ARPP21: variants seen among roughly 807,000 people sequenced by gnomAD.
ARPP21 encodes cAMP regulated phosphoprotein 21.
ARPP21 carries 69 observed loss-of-function variants against 113.2 expected under a neutral mutation model. The observed-to-expected ratio is 0.61, with a 90% CI of 0.50 to 0.74. The LOEUF is 0.74. Ranked by LOEUF, ARPP21 falls within the 30% of genes least tolerant of loss-of-function variation. ARPP21 has a pLI of 0.00. For synonymous variants in ARPP21, 368 were observed against 375.5 expected (o/e 0.98, Z 0.23); for missense variants, 1,070 against 1,037.4 (o/e 1.03, Z -0.43).
intron 19 of ARPP21, among the ~76,000 whole-genome samples, chr3:35,784,456 T>G (rs968830947): frequency 6.6e-6 from 1 of 152,252 alleles, no homozygotes; most frequent in Non-Finnish European, 1.5e-5. Flanking sequence ...AGCAGACTAC[T>G]GATATTCATG....
At chr3:35,762,124 T>TCACACACACACACA (rs1228601723) in intron 19 of ARPP21, among the ~76,000 whole-genome samples, 14 of 141,152 alleles carry the variant, frequency 9.9e-5, no homozygotes, top group African/African-American at 3.8e-4. Context: ...TCTCTCTCTC[T>TCACACACACACACA]CTCACACACA....
At chr3:35,706,385 A>G (rs529811944) in intron 9 of ARPP21, among the ~76,000 whole-genome samples, 1 of 152,322 alleles carries the variant, frequency 6.6e-6, no homozygotes, top group East Asian at 1.9e-4. Context: ...TAAACTAAAT[A>G]CCTCCATTTT....
At chr3:35,647,715 T>G (rs1203887446) in intron 1 of ARPP21, among the ~76,000 whole-genome samples, 1 of 152,204 alleles carries the variant, frequency 6.6e-6, no homozygotes, top group Non-Finnish European at 1.5e-5. Flanking sequence ...GAGTAAATAG[T>G]GTGACTATGG....
intron 1 of ARPP21, among the ~76,000 whole-genome samples, chr3:35,660,515 C>T (rs753210050): frequency 1.2e-4 from 19 of 152,132 alleles, no homozygotes; most frequent in African/African-American, 4.3e-4. Flanking sequence ...TCTTTGCCCT[C>T]GAAATCTCTT....
intron 1 of ARPP21, among the ~76,000 whole-genome samples, chr3:35,676,532 A>G (rs2149392771): frequency 1.4e-5 from 1 of 72,462 alleles, no homozygotes. Context: ...CAATTTTGGC[A>G]TTTTCATGAT....
At chr3:35,639,403 A>C (rs1400209753), upstream of ARPP21, among the ~76,000 whole-genome samples, 2 of 151,816 alleles carry the variant, frequency 1.3e-5, no homozygotes, top group Non-Finnish European at 2.9e-5. This position sits in a 1 kb window ranked among gnomAD's most constrained non-coding sequence, Gnocchi z 5.0. Context: ...AGCCACGTGC[A>C]ACACGCGCGT....
Position 35,676,750 on chromosome 3 carries a change from G to T in ARPP21, c.-212-3037G>T, listed in dbSNP as rs78951932. ...GTATGTGCATTCTATTCATGGCGTT[G>T]TTGCTCTTATTTTTGAAATGATTAC... On this transcript the variant is annotated intron_variant, in intron 1 of 20. Transcript: ENST00000684406. Among the ~76,000 whole-genome samples, 917 of 151,946 alleles carry T rather than the reference G, an allele frequency of 6.0e-3. 12 individuals carry two copies. Among genetic ancestry groups the T allele is most frequent in the African/African-American group, 0.021 (859 of 41,498 alleles).
chr3:35,685,281 A>T, intron 5 of ARPP21: 1 of 985,260 alleles, frequency 1.0e-6, no homozygotes, highest in Non-Finnish European at 1.2e-6. Context: ...TAAGGTGTAA[A>T]TGGTGCTTTG....
intron 19 of ARPP21, among the ~76,000 whole-genome samples, chr3:35,783,037 A>G (rs1433917311): frequency 6.6e-6 from 1 of 151,716 alleles, no homozygotes; most frequent in Non-Finnish European, 1.5e-5. Context: ...TCATTGTCAC[A>G]TTTTTCTTTC....
Position 35,737,209 on chromosome 3 carries a change from T to C in ARPP21, c.1491T>C (p.Pro497=). 3 of 1,611,650 alleles carry C rather than the reference T, an allele frequency of 1.9e-6. No individual in the cohort carries two copies. The highest frequency in any genetic ancestry group is 2.5e-6 in the Non-Finnish European group (3 of 1,178,450). ...GQPFVNPDGT[P]AIYNPPTSQQ... ...CCTTTGTGAATCCCGATGGAACTCCTGCAATATACAACCCACCCACCAGTC... is the reference window on the plus strand; with the variant it reads ...CCTTTGTGAATCCCGATGGAACTCCCGCAATATACAACCCACCCACCAGTC... The change falls in exon 16 of 21, where the codon CCT becomes CCC. Residue 497 remains proline, a synonymous_variant. Coordinates refer to ENST00000684406, the MANE Select transcript of ARPP21 (RefSeq NM_001385562.1).
intron 19 of ARPP21, among the ~76,000 whole-genome samples, chr3:35,779,300 A>G (rs1272592892): frequency 5.3e-5 from 8 of 152,200 alleles, no homozygotes; most frequent in Non-Finnish European, 1.2e-4. Context: ...TATTACCAAC[A>G]AAACAGAACA....
intron 1 of ARPP21, among the ~76,000 whole-genome samples, 173 bp downstream of exon 1, chr3:35,640,571 G>A (rs184822776): frequency 7.9e-5 from 12 of 152,152 alleles, no homozygotes; most frequent in African/African-American, 2.9e-4. Context: ...TGTTTTTTAT[G>A]TTTCGTCAAG....
chr3:35,779,389 G>A (rs1476120278), intron 19 of ARPP21, among the ~76,000 whole-genome samples: 1 of 152,106 alleles, frequency 6.6e-6, no homozygotes, highest in African/African-American at 2.4e-5. Flanking sequence ...AAGCACCGTG[G>A]CATGTATGTT....
chr3:35,656,409 G>A (rs996901016), intron 1 of ARPP21, among the ~76,000 whole-genome samples: 4 of 152,048 alleles, frequency 2.6e-5, no homozygotes, highest in African/African-American at 9.7e-5. Flanking sequence ...CCCCAAATTA[G>A]GAACAGCTCA....
intron 19 of ARPP21, among the ~76,000 whole-genome samples, chr3:35,765,953 G>A (rs2095957480): frequency 6.6e-6 from 1 of 152,056 alleles, no homozygotes; most frequent in African/African-American, 2.4e-5. Context: ...TGCAAGTGAG[G>A]GGCATTTAGT....
chr3:35,705,624 C>T (rs1297619500), intron 9 of ARPP21, among the ~76,000 whole-genome samples: 1 of 152,044 alleles, frequency 6.6e-6, no homozygotes, highest in Non-Finnish European at 1.5e-5. Context: ...CTGTGTGATG[C>T]CTGTGGCTTA....
chr3:35,683,128 T>A (rs1389766640), intron 4 of ARPP21, among the ~76,000 whole-genome samples: 2 of 151,756 alleles, frequency 1.3e-5, no homozygotes, highest in Non-Finnish European at 2.9e-5. Context: ...ATGTATGTAT[T>A]TGATCCTGTG....
intron 9 of ARPP21, among the ~76,000 whole-genome samples, chr3:35,695,631 C>A (rs926057459): frequency 6.6e-6 from 1 of 151,474 alleles, no homozygotes; most frequent in African/African-American, 2.4e-5. Flanking sequence ...TGGGGACTAC[C>A]TGCCCATCCA....
intron 14 of ARPP21, among the ~76,000 whole-genome samples, chr3:35,728,215 C>CTTTT (rs775065085): frequency 1.9e-5 from 2 of 105,180 alleles, no homozygotes; most frequent in African/African-American, 3.6e-5. Flanking sequence ...GATTCCTTGC[C>CTTTT]TTTTTTTTTT....
Sources: gnomAD v4.1 joint callset for allele counts (sites outside exome capture counted in the v4.1 genomes callset) on GRCh38, gnomAD v4.1.1 for gene constraint, Gnocchi (gnomAD v3.1) non-coding constraint, MANE v1.5 for transcripts, NCBI Gene and HGNC (gene_info 2026-07-23, HGNC 2026-07-21) for gene names.